Variants in HNF1B observed in about 807,000 individuals in gnomAD.
HNF1B encodes HNF1 homeobox B.
In HNF1B, 8 loss-of-function variants were observed where a neutral mutation model predicts 61.7. The observed-to-expected ratio is 0.13, with a 90% CI of 0.08 to 0.23. The LOEUF (loss-of-function observed/expected upper bound fraction) is 0.23. Ranked by LOEUF, HNF1B falls within the 10% of genes least tolerant of loss-of-function variation. The probability of loss-of-function intolerance (pLI) is 1.00; values close to 1 mark genes in which losing one functional copy is unlikely to be tolerated. For synonymous variants in HNF1B, 314 were observed against 287.7 expected (o/e 1.09, Z -0.93); for missense variants, 562 against 714.5 (o/e 0.79, Z 2.43).
intron 2 of HNF1B, among the ~76,000 whole-genome samples, chr17:37,734,956 T>C: frequency 6.6e-6 from 1 of 151,856 alleles, no homozygotes; most frequent in African/African-American, 2.4e-5. Flanking sequence ...GCCCAGCTAA[T>C]TTTTTGTATT....
chr17:37,692,363 G>A (rs746220841), intron 8 of HNF1B, among the ~76,000 whole-genome samples: 16 of 152,326 alleles, frequency 1.1e-4, no homozygotes, highest in African/African-American at 2.2e-4. Flanking sequence ...GAAGATGAAC[G>A]TTGTTTAATG....
chr17:37,731,632 G>A lies in HNF1B; in HGVS notation c.1008C>T (p.His336=), dbSNP rs150268130. Residue 336 remains histidine, a synonymous_variant, in exon 4 of 9, where the codon CAC becomes CAT. Coordinates refer to ENST00000617811, the MANE Select transcript of HNF1B (RefSeq NM_000458.4). ...LNPLLSHGSP[H]HQPSSSPPNK... is the part of the protein sequence containing the mutation. ...TTGGAGGAGAGGAGCTGGGCTGGTGGTGGGGGGAGCCGTGGGAGAGCAGAG... is the reference window on the plus strand; with the variant it reads ...TTGGAGGAGAGGAGCTGGGCTGGTGATGGGGGGAGCCGTGGGAGAGCAGAG... 5.6e-5 allele frequency: 91 copies of A among 1,613,860 alleles called. 1 individual carries two copies. The Middle Eastern group carries it at 6.6e-4, about 12-fold the overall frequency.
At chr17:37,694,129 T>C (rs774921128) in intron 8 of HNF1B, among the ~76,000 whole-genome samples, 5 of 152,312 alleles carry the variant, frequency 3.3e-5, no homozygotes, top group South Asian at 2.1e-4. Flanking sequence ...GGCATTACTA[T>C]AAAGATACTT....
chr17:37,709,524 G>C (rs143821349), intron 5 of HNF1B, among the ~76,000 whole-genome samples: 1 of 152,046 alleles, frequency 6.6e-6, no homozygotes, highest in African/African-American at 2.4e-5. Flanking sequence ...CCCAAGTGCT[G>C]GAATTACAGG....
At position 37,697,621 on chromosome 17, in the gene HNF1B, C is replaced by T. The variant is rs1403426416; in HGVS notation, c.1653+1455G>A. On this transcript the variant is annotated intron_variant, in intron 8 of 8. Coordinates refer to ENST00000617811, the MANE Select transcript of HNF1B (RefSeq NM_000458.4). ...AACCTTTCAAAGGGGAAGGTATTCC[C>T]AAGGAGGGCCGCTGCGCCTGGCTGC... is the stretch of plus-strand genomic sequence containing the variant. 6.6e-5 allele frequency among the ~76,000 whole-genome samples: 10 copies of T among 152,296 alleles called. No homozygotes were observed. In the East Asian group the frequency reaches 1.9e-3, roughly 29 times the overall value.
At chr17:37,742,478 G>A (rs929965391) in intron 1 of HNF1B, among the ~76,000 whole-genome samples, 13 of 152,208 alleles carry the variant, frequency 8.5e-5, no homozygotes, top group African/African-American at 2.9e-4. Flanking sequence ...TGTGCCCGAG[G>A]CTTGGGAGCC....
rs2034123161 is a variant in HNF1B, at chr17:37,744,788, A to G, written c.97T>C (p.Leu33=). 1 of 1,613,106 alleles carries G rather than the reference A, an allele frequency of 6.2e-7. No homozygotes were observed. Among genetic ancestry groups the G allele is most frequent in the African/African-American group, 1.3e-5 (1 of 74,846 alleles). ...ACCCCGAAGTTCGGGGATGGCAGCA[A>G]CTCCTCCAAGGCCTGAACCAGCACC... The part of the protein sequence containing the change: ...KEVLVQALEE[L]LPSPNFGVKL... Residue 33 remains leucine (L), a synonymous_variant, in exon 1 of 9, where the codon TTG becomes CTG. Transcript: ENST00000617811.
chr17:37,739,108 G>A (rs2033916170), intron 2 of HNF1B, among the ~76,000 whole-genome samples: 1 of 152,206 alleles, frequency 6.6e-6, no homozygotes, highest in African/African-American at 2.4e-5. Flanking sequence ...GAGATGCTGG[G>A]TTTTCTCTCA....
intron 4 of HNF1B, among the ~76,000 whole-genome samples, chr17:37,721,411 G>A (rs986131515): frequency 2.0e-5 from 3 of 152,072 alleles, no homozygotes; most frequent in African/African-American, 4.8e-5. Flanking sequence ...TCCAAGCTGC[G>A]GAGTCCTGGG....
intron 8 of HNF1B, among the ~76,000 whole-genome samples, chr17:37,693,024 A>G (rs974163712): frequency 6.6e-6 from 1 of 151,896 alleles, no homozygotes; most frequent in African/African-American, 2.4e-5. Flanking sequence ...CCCCGTCTCT[A>G]CTAAAAATAC....
In HNF1B at chr17:37,710,656, G is replaced by T; in HGVS notation, c.1053C>A (p.Arg351=). Residue 351 remains arginine, a synonymous_variant, in exon 5 of 9, where the codon CGC becomes CGA. Transcript: ENST00000617811. ...SSPPNKLSGV[R]YSQQGNNEIT... Reference sequence around the variant, plus strand: ...TCTCATTGTTTCCCTGCTGGCTGTAGCGCACTCCTGCAAAACAACACAAAC... The same window carrying T: ...TCTCATTGTTTCCCTGCTGGCTGTATCGCACTCCTGCAAAACAACACAAAC... 1 of 1,613,694 alleles carries T rather than the reference G, an allele frequency of 6.2e-7. No individual in the cohort carries two copies. Among genetic ancestry groups the T allele is most frequent in the Non-Finnish European group, 8.5e-7 (1 of 1,179,774 alleles).
At chr17:37,744,483 CCCGGGG>C in intron 1 of HNF1B, 52 bp downstream of exon 1, 10 of 1,568,816 alleles carry the variant, frequency 6.4e-6, no homozygotes, top group Non-Finnish European at 8.7e-6. Context: ...GTCACTCAGG[CCCGGGG>C]CCGGGGCTCC....
intron 8 of HNF1B, among the ~76,000 whole-genome samples, chr17:37,691,567 T>A (rs528197398): frequency 6.6e-6 from 1 of 152,296 alleles, no homozygotes; most frequent in East Asian, 1.9e-4. Flanking sequence ...CCAGCTTCCA[T>A]GGGCTGGGTG....
At chr17:37,724,341 T>C (rs368143615) in intron 4 of HNF1B, among the ~76,000 whole-genome samples, 3 of 152,292 alleles carry the variant, frequency 2.0e-5, no homozygotes, top group African/African-American at 7.2e-5. Context: ...TTAGAAAGTT[T>C]TAACTACTGA....
chr17:37,698,322 T>C (rs2032454123), intron 8 of HNF1B, among the ~76,000 whole-genome samples: 1 of 152,120 alleles, frequency 6.6e-6, no homozygotes, highest in African/African-American at 2.4e-5. Context: ...TCCTGTTTTC[T>C]AACTCTCGGT....
intron 4 of HNF1B, among the ~76,000 whole-genome samples, chr17:37,721,822 TAGA>T (rs929388058): frequency 2.0e-5 from 3 of 152,062 alleles, no homozygotes; most frequent in Non-Finnish European, 4.4e-5. Flanking sequence ...AGGTGTTTTA[TAGA>T]AGGAGACAAA....
intron 4 of HNF1B, among the ~76,000 whole-genome samples, chr17:37,716,419 A>T (rs1265044459): frequency 5.9e-5 from 9 of 151,992 alleles, no homozygotes; most frequent in Non-Finnish European, 1.3e-4. Flanking sequence ...GGCTGGTCTC[A>T]AACTCCTGAC....
intron 1 of HNF1B, among the ~76,000 whole-genome samples, chr17:37,742,246 G>T (rs2034014129): frequency 6.6e-6 from 1 of 152,238 alleles, no homozygotes; most frequent in African/African-American, 2.4e-5. Flanking sequence ...TTCTTAGAAT[G>T]CAGCCCACTT....
In HNF1B at chr17:37,744,732, G is replaced by A; in HGVS notation, c.153C>T (p.Gly51=). 6.2e-7 allele frequency: 1 copy of A among 1,613,478 alleles called. No homozygotes were observed. The change falls in exon 1 of 9, where the codon GGC becomes GGT. Residue 51 remains glycine (G), a synonymous_variant. Coordinates refer to ENST00000617811, the MANE Select transcript of HNF1B (RefSeq NM_000458.4). ...VKLETLPLSP[G]SGAEPDTKPV... The stretch of plus-strand genomic sequence containing the variant: ...GCTTGGTGTCGGGCTCGGCCCCGCT[G>A]CCAGGGGACAGGGGCAGCGTCTCCA...
Sources: allele counts gnomAD v4.1 joint callset (sites outside exome capture counted in the v4.1 genomes callset), GRCh38; gene constraint gnomAD v4.1.1; transcripts MANE v1.5; gene names NCBI Gene and HGNC (gene_info 2026-07-23, HGNC 2026-07-21).